The following NEK7 variants were observed in gnomAD, a reference collection of about 807,000 sequenced individuals.
The protein encoded by NEK7 is NIMA related kinase 7.
In NEK7, 18 loss-of-function variants were observed where a neutral mutation model predicts 44.6. The observed-to-expected ratio is 0.40, with a 90% CI of 0.28 to 0.60. NEK7 has a LOEUF of 0.60. NEK7 is among the 20% of genes least tolerant of loss of function. The pLI, the probability that NEK7 is intolerant of heterozygous loss-of-function variation, is 0.38. For synonymous variants in NEK7, 130 were observed against 121.1 expected (o/e 1.07, Z -0.48); for missense variants, 256 against 366.5 (o/e 0.70, Z 2.46).
At position 198,255,875 on chromosome 1, in the gene NEK7, T is replaced by C. The variant is rs529929182; in HGVS notation, c.198+2695T>C. On this transcript the variant is annotated intron_variant, in intron 3 of 9. Coordinates refer to ENST00000367385, the MANE Select transcript of NEK7 (RefSeq NM_133494.3). ...AAATATATTTGCATTTTAGACATAT[T>C]GATTCTTGTGACATATTACACTTGT... 3.5e-4 allele frequency among the ~76,000 whole-genome samples: 54 copies of C among 152,282 alleles called. No individual in the cohort carries two copies. In the Middle Eastern group the frequency reaches 0.02, roughly 58 times the overall value.
intron 1 of NEK7, among the ~76,000 whole-genome samples, chr1:198,228,116 T>A (rs1034833526): frequency 9.2e-5 from 14 of 152,264 alleles, no homozygotes; most frequent in African/African-American, 3.4e-4. Context: ...CACCATTTAT[T>A]AAATAGGGAA....
intron 1 of NEK7, among the ~76,000 whole-genome samples, chr1:198,202,806 C>A (rs1665472437): frequency 6.6e-6 from 1 of 152,114 alleles, no homozygotes; most frequent in Admixed American, 6.5e-5. Flanking sequence ...CCCACTGGGT[C>A]CCTCGCACAC....
intron 7 of NEK7, among the ~76,000 whole-genome samples, chr1:198,288,157 C>T (rs1051127374): frequency 3.9e-5 from 6 of 152,168 alleles, no homozygotes; most frequent in Non-Finnish European, 7.3e-5. Flanking sequence ...TATTCCCCTT[C>T]GTTGTTCAGG....
At chr1:198,259,781 G>A (rs1184327669) in intron 3 of NEK7, among the ~76,000 whole-genome samples, 1 of 151,580 alleles carries the variant, frequency 6.6e-6, no homozygotes, top group Non-Finnish European at 1.5e-5. Context: ...TATTCCTTCA[G>A]TTCAAGAACT....
At position 198,248,033 on chromosome 1, in the gene NEK7, G is replaced by T. The variant is rs368488753; in HGVS notation, c.58-5007G>T. Among the ~76,000 whole-genome samples, 191 of 152,132 alleles carry T rather than the reference G, an allele frequency of 1.3e-3. 2 individuals are homozygous for T. The highest frequency in any genetic ancestry group is 4.4e-3 in the African/African-American group (184 of 41,516). On this transcript the variant is annotated intron_variant, in intron 2 of 9. Transcript: ENST00000367385. ...TTTCATTAGAGGGTGCACTAGCCTG[G>T]CCCCACAAGAATGTCATGTTTGGCT...
At chr1:198,216,281 C>G (rs1665916622) in intron 1 of NEK7, among the ~76,000 whole-genome samples, 1 of 151,884 alleles carries the variant, frequency 6.6e-6, no homozygotes, top group South Asian at 2.1e-4. Flanking sequence ...CAGAGGGAAC[C>G]ATCAAAACTG....
intron 1 of NEK7, among the ~76,000 whole-genome samples, chr1:198,189,825 C>T (rs1665022162): frequency 2.6e-5 from 4 of 152,056 alleles, no homozygotes; most frequent in Non-Finnish European, 5.9e-5. Context: ...TGAATCAAAA[C>T]AGCATTTAAT....
At chr1:198,273,158 G>C (rs1237673562) in intron 5 of NEK7, among the ~76,000 whole-genome samples, 3 of 151,654 alleles carry the variant, frequency 2.0e-5, no homozygotes, top group Non-Finnish European at 4.4e-5. Flanking sequence ...AGTAGACCTT[G>C]GATAAGAAGA....
intron 8 of NEK7, among the ~76,000 whole-genome samples, chr1:198,296,388 A>G (rs1312991432): frequency 6.6e-6 from 1 of 152,168 alleles, no homozygotes; most frequent in Non-Finnish European, 1.5e-5. Flanking sequence ...TTGCACTTTA[A>G]ATGTCAAGTT....
chr1:198,221,132 T>C (rs1294496114), intron 1 of NEK7: 1 of 152,100 alleles, frequency 6.6e-6, no homozygotes, highest in Non-Finnish European at 1.5e-5. Context: ...TTTTGATATT[T>C]AAGATTTCAT....
chr1:198,180,662 G>A (rs1008821874), intron 1 of NEK7, among the ~76,000 whole-genome samples: 3 of 152,176 alleles, frequency 2.0e-5, no homozygotes, highest in Admixed American at 1.3e-4. Flanking sequence ...TTTTAGGGAG[G>A]TAGTCCAATG....
intron 1 of NEK7, among the ~76,000 whole-genome samples, chr1:198,172,752 C>A (rs1165926887): frequency 1.3e-5 from 2 of 152,114 alleles, no homozygotes; most frequent in African/African-American, 4.8e-5. Flanking sequence ...ATAAAGTTGT[C>A]ATCATAGAGC....
chr1:198,238,372 C>A (rs1162538823), intron 2 of NEK7, among the ~76,000 whole-genome samples: 1 of 152,108 alleles, frequency 6.6e-6, no homozygotes, highest in Non-Finnish European at 1.5e-5. Context: ...GGTGAGGAAC[C>A]ACAGCTTTGA....
At chr1:198,267,270 G>A (rs1310200388) in intron 5 of NEK7, among the ~76,000 whole-genome samples, 1 of 147,866 alleles carries the variant, frequency 6.8e-6, no homozygotes, top group Non-Finnish European at 1.5e-5. Flanking sequence ...ACACACACCT[G>A]TTCCTCATTC....
intron 1 of NEK7, among the ~76,000 whole-genome samples, chr1:198,201,894 A>T (rs1455911343): frequency 6.6e-6 from 1 of 152,230 alleles, no homozygotes; most frequent in Non-Finnish European, 1.5e-5. Flanking sequence ...TTAAAAATAT[A>T]GCATATATCG....
chr1:198,279,045 A>C lies in NEK7; in HGVS notation c.573A>C (p.Thr191=). 1 of 1,603,738 alleles carries C rather than the reference A, an allele frequency of 6.2e-7. No homozygotes were observed. The highest frequency in any genetic ancestry group is 1.1e-5 in the South Asian group (1 of 90,848). Residue 191 remains threonine (T), a synonymous_variant, in exon 7 of 10, where the codon ACA becomes ACC. Transcript: ENST00000367385. ...GCCGGTTTTTCAGCTCAAAAACCAC[A>C]GCTGCACATTCTTTAGGTAAGAGAC... ...GLGRFFSSKT[T]AAHSLVGTPY...
In NEK7 at chr1:198,274,982, G is replaced by C. The variant is rs952299123; in HGVS notation, c.373-2979G>C. On this transcript the variant is annotated intron_variant, in intron 5 of 9. Transcript: ENST00000367385. ...ACCAGATATGCTGAATTTCACCTAA[G>C]TGAAATGATGGTAATCTTCTTACAC... 2.6e-5 allele frequency among the ~76,000 whole-genome samples: 4 copies of C among 151,720 alleles called. No homozygotes were observed. In the East Asian group the frequency reaches 5.8e-4, roughly 22 times the overall value.
rs1665746531 is a variant in NEK7, at chr1:198,210,836, T to G, written c.-28-21717T>G. ...GGCGCAATCTTGGCTCACTGCAAGC[T>G]CCGCCTCCCGGGTTCACGCCATTCT... On this transcript the variant is annotated intron_variant, in intron 1 of 9. Transcript: ENST00000367385. Among the ~76,000 whole-genome samples the G allele has an allele frequency of 3.0e-5, 4 of 133,452 alleles. No individual in the cohort carries two copies. The South Asian group carries it at 1.0e-3, about 34-fold the overall frequency. 87.5% of individuals were successfully genotyped at this position (133,452 alleles called of 152,430 possible). A position where few individuals can be genotyped will look rare whatever the true frequency, so the allele number is the denominator to read the frequency against.
intron 1 of NEK7, among the ~76,000 whole-genome samples, chr1:198,163,150 G>A (rs1664158786): frequency 6.6e-6 from 1 of 152,070 alleles, no homozygotes; most frequent in African/African-American, 2.4e-5. Flanking sequence ...AAAATGTAAT[G>A]AATTCCTAAT....
Sources: gnomAD v4.1 joint callset for allele counts (sites outside exome capture counted in the v4.1 genomes callset) on GRCh38, gnomAD v4.1.1 for gene constraint, MANE v1.5 for transcripts, NCBI Gene and HGNC (gene_info 2026-07-23, HGNC 2026-07-21) for gene names.